Variants in MARF1 observed in about 807,000 individuals in gnomAD.
MARF1 encodes the protein meiosis regulator and mRNA stability factor 1.
In MARF1, 24 loss-of-function variants were observed where a neutral mutation model predicts 168.2. The ratio of observed to expected loss-of-function variants is 0.14; its 90% confidence interval spans 0.10 to 0.20. MARF1 has a LOEUF of 0.20. Ranked by LOEUF, MARF1 falls within the 10% of genes least tolerant of loss-of-function variation. The pLI is 1.00. For synonymous variants in MARF1, 868 were observed against 822.4 expected, an observed-to-expected ratio of 1.06 and a Z score of -0.95; for missense variants, 1,744 against 2,143.6, an observed-to-expected ratio of 0.81 and a Z score of 3.68.
At chr16:15,624,688 A>T in intron 10 of MARF1, 81 bp downstream of exon 10, 1 of 1,349,856 alleles carries the variant, frequency 7.4e-7, no homozygotes, top group Non-Finnish European at 1.0e-6. Flanking sequence ...GTACTATCTG[A>T]ATTCTTTTCA....
chr16:15,616,942 T>G, intron 15 of MARF1, 110 bp downstream of exon 15: 3 of 1,411,824 alleles, frequency 2.1e-6, no homozygotes, highest in Non-Finnish European at 2.9e-6. Context: ...CACATGAGGA[T>G]GAAGCATTGT....
In MARF1 at chr16:15,635,734, G is replaced by A; in HGVS notation, c.753C>T (p.Cys251=). ...CCACATTAAGGTGCAAAGAGTTGGT[G>A]CACAAGTGAGGCGTTAGCTCCGACT... The part of the protein sequence containing the change: ...ISQSELTPHL[C]TNSLHLNVVP... The change falls in exon 3 of 27, where the codon TGC becomes TGT. Residue 251 remains cysteine, a synonymous_variant. Coordinates refer to ENST00000396368, the MANE Select transcript of MARF1 (RefSeq NM_014647.4). 6.2e-7 allele frequency: 1 copy of A among 1,614,240 alleles called. No homozygotes were observed. The highest frequency in any genetic ancestry group is 8.5e-7 in the Non-Finnish European group (1 of 1,180,052).
intron 12 of MARF1, chr16:15,621,440 G>A (rs1296956304): frequency 1.3e-5 from 5 of 381,426 alleles, no homozygotes; most frequent in Non-Finnish European, 2.3e-5. Context: ...AGACTTTTCA[G>A]GCTTATAAAC....
intron 13 of MARF1, among the ~76,000 whole-genome samples, chr16:15,618,348 A>T (rs1454698472): frequency 6.6e-6 from 1 of 151,068 alleles, no homozygotes; most frequent in Admixed American, 6.6e-5. Flanking sequence ...GGAGAGACAC[A>T]CTCTCCCTTG....
At chr16:15,606,189 G>A (rs2032997370) in intron 21 of MARF1, 1 of 152,506 alleles carries the variant, frequency 6.6e-6, no homozygotes, top group African/African-American at 2.4e-5. Context: ...TCAAACCTCA[G>A]CAGCATCACT....
In MARF1 at chr16:15,639,308, A is replaced by T. The variant is rs979641781; in HGVS notation, c.-58-17T>A. The T allele has an allele frequency of 2.0e-5, 30 of 1,497,268 alleles. No homozygotes were observed. Among genetic ancestry groups the T allele is most frequent in the Non-Finnish European group, 2.7e-5 (30 of 1,107,178 alleles). The allele number at this position is 1,497,268 out of a possible 1,614,324, so 92.7% of individuals were successfully genotyped here. On this transcript the variant is annotated splice_polypyrimidine_tract_variant and intron_variant, in intron 1 of 26. Transcript: ENST00000396368. ...TCTTCCACCCTGTTAAGAATGAGTA[A>T]GATTTCAGTGTTATTTCCTTGCATA...
intron 20 of MARF1, 45 bp from the exon 21 acceptor site, chr16:15,608,563 C>T (rs775532223): frequency 9.3e-5 from 134 of 1,433,618 alleles, no homozygotes; most frequent in Middle Eastern, 1.7e-4. Context: ...AAACAAATCA[C>T]GGGTGTTTAC....
chr16:15,627,014 G>T (rs2034902825), intron 7 of MARF1, among the ~76,000 whole-genome samples: 2 of 145,300 alleles, frequency 1.4e-5, no homozygotes, highest in African/African-American at 5.3e-5. Context: ...TGGAGAAAAA[G>T]AAAGAAAAGA....
At chr16:15,624,140 T>A (rs1025362575) in intron 10 of MARF1, among the ~76,000 whole-genome samples, 39 of 152,000 alleles carry the variant, frequency 2.6e-4, no homozygotes, top group Admixed American at 2.1e-3. Flanking sequence ...AGGATGGTCT[T>A]GATCTCCTAA....
chr16:15,608,851 C>A (rs186830095), intron 20 of MARF1: 1 of 337,008 alleles, frequency 3.0e-6, no homozygotes, highest in East Asian at 5.8e-5. Flanking sequence ...AACTTAGCAA[C>A]AGCGAACAGC....
At chr16:15,599,266 T>A in intron 25 of MARF1, 1 of 538,746 alleles carries the variant, frequency 1.9e-6, no homozygotes, top group Non-Finnish European at 3.3e-6. Flanking sequence ...TTAGGAACAC[T>A]GGCCCCTCAA....
At position 15,625,044 on chromosome 16, in the gene MARF1, C is replaced by G. The variant is rs935286526; in HGVS notation, c.2083G>C (p.Ala695Pro). The G allele has an allele frequency of 2.5e-6, 4 of 1,614,064 alleles. No individual in the cohort carries two copies. The African/African-American group carries it at 5.3e-5, about 22-fold the overall frequency. The change falls in exon 9 of 27, where the codon GCA becomes CCA. Residue 695 changes from alanine (A) to proline (P), a missense_variant. Around this residue, in one of 7 missense-constraint regions of MARF1, gnomAD observed 270 missense variants for 260.6 expected, o/e 1.04. Coordinates refer to ENST00000396368, the MANE Select transcript of MARF1 (RefSeq NM_014647.4). ...TGACTGGTTTTGTAAACGGGTTCTG[C>G]CACCCCCGAGTTTTTCGGCGTCGAC... ...AVSTPKNSGVAEPVYKTSQKK... is the reference protein window; with the variant it reads ...AVSTPKNSGVPEPVYKTSQKK...
At chr16:15,631,544 GAA>G (rs1337117990) in intron 5 of MARF1, 46 bp from the exon 6 acceptor site, 1 of 1,333,944 alleles carries the variant, frequency 7.5e-7, no homozygotes, top group Non-Finnish European at 1.1e-6. Flanking sequence ...GCTGAGGCTA[GAA>G]AATTGCTACA....
At chr16:15,598,802 GT>G in intron 26 of MARF1, 51 bp downstream of exon 26, 1 of 1,559,774 alleles carries the variant, frequency 6.4e-7, no homozygotes, top group Admixed American at 1.7e-5. Flanking sequence ...TCTCATCGTG[GT>G]TTTGTTTTAA....
intron 22 of MARF1, among the ~76,000 whole-genome samples, chr16:15,603,023 G>T (rs1474290041): frequency 1.3e-5 from 2 of 152,212 alleles, no homozygotes; most frequent in African/African-American, 4.8e-5. Flanking sequence ...CAAGAGAAAG[G>T]ATATTCCCAA....
chr16:15,620,610 A>C, intron 12 of MARF1, 79 bp from the exon 13 acceptor site: 1 of 899,280 alleles, frequency 1.1e-6, no homozygotes, highest in Admixed American at 2.7e-5. Context: ...CATAAAATTA[A>C]CCCAGTGCAT....
At chr16:15,616,280 C>G (rs1465035530) in intron 15 of MARF1, among the ~76,000 whole-genome samples, 1 of 152,202 alleles carries the variant, frequency 6.6e-6, no homozygotes, top group Non-Finnish European at 1.5e-5. Flanking sequence ...GCGTCTGCTT[C>G]CACATCAGCA....
chr16:15,640,816 T>A (rs575170452), intron 1 of MARF1, among the ~76,000 whole-genome samples: 1 of 152,356 alleles, frequency 6.6e-6, no homozygotes, highest in South Asian at 2.1e-4. Context: ...GCATTCCAAT[T>A]GCAGAGTTGC....
chr16:15,601,682 C>T (rs566019610), intron 23 of MARF1: 29 of 456,204 alleles, frequency 6.4e-5, no homozygotes, highest in Non-Finnish European at 8.4e-5. Context: ...CTCCTCAGCG[C>T]GCCCACTGCC....
Sources: gnomAD v4.1 joint callset for allele counts (sites outside exome capture counted in the v4.1 genomes callset) on GRCh38, gnomAD v4.1.1 for gene constraint, gnomAD v4.1.1 regional missense constraint, MANE v1.5 for transcripts, NCBI Gene and HGNC (gene_info 2026-07-23, HGNC 2026-07-21) for gene names.